Variants in FLT1 observed in about 807,000 individuals in gnomAD.
FLT1 encodes the protein vascular endothelial growth factor receptor 1.
Under a neutral mutation model 156.3 loss-of-function variants are expected in FLT1, and 49 were observed. The observed-to-expected ratio is 0.31, with a 90% CI of 0.25 to 0.40. FLT1 has a LOEUF of 0.40. Ranked by LOEUF, FLT1 falls within the 10% of genes least tolerant of loss-of-function variation. FLT1 has a pLI of 1.00. For synonymous variants in FLT1, 594 were observed against 583.8 expected (o/e 1.02, Z -0.25); for missense variants, 1,322 against 1,637.2 (o/e 0.81, Z 3.32).
chr13:28,373,167 C>A (rs989438758), intron 14 of FLT1, among the ~76,000 whole-genome samples: 4 of 152,078 alleles, frequency 2.6e-5, no homozygotes, highest in Non-Finnish European at 4.4e-5. Flanking sequence ...ACTGTCCCAC[C>A]GTGTGGAGGT....
At position 28,443,110 on chromosome 13, in the gene FLT1, G is replaced by A. The variant is rs184369182; in HGVS notation, c.389-4765C>T. On this transcript the variant is annotated intron_variant, in intron 3 of 29. Coordinates refer to ENST00000282397, the MANE Select transcript of FLT1 (RefSeq NM_002019.4). Reference sequence around the variant, plus strand: ...ACTCATGCCAACACTCAGCTAGGTGGAGGTCACACTGCCCTCACCTCTCTG... The same window carrying A: ...ACTCATGCCAACACTCAGCTAGGTGAAGGTCACACTGCCCTCACCTCTCTG... 3.3e-3 allele frequency among the ~76,000 whole-genome samples: 504 copies of A among 152,278 alleles called. 4 individuals are homozygous for A. Among genetic ancestry groups the A allele is most frequent in the Non-Finnish European group, 6.2e-3 (421 of 68,018 alleles).
Position 28,303,336 on chromosome 13 carries a change from C to T in FLT1, c.3848G>A (p.Gly1283Glu), listed in dbSNP as rs1438716807. 1 of 1,613,890 alleles carries T rather than the reference C, an allele frequency of 6.2e-7. No individual in the cohort carries two copies. Among genetic ancestry groups the T allele is most frequent in the African/African-American group, 1.3e-5 (1 of 74,890 alleles). ...ACTGGGCCTGCTGACATCAGACAGC[C>T]CCGACTCCTTACTTTTACTGGTTAC... ...LRVTSKSKES[G>E]LSDVSRPSFC... Residue 1283 changes from glycine (G) to glutamate (E), a missense_variant, in exon 30 of 30, where the codon GGG becomes GAG. Gly to Glu is a moderately conservative substitution (Grantham distance 98, BLOSUM62 -2). Coordinates refer to ENST00000282397, the MANE Select transcript of FLT1 (RefSeq NM_002019.4).
intron 15 of FLT1, among the ~76,000 whole-genome samples, chr13:28,354,138 T>C (rs755258626): frequency 1.3e-5 from 2 of 152,158 alleles, no homozygotes; most frequent in Non-Finnish European, 2.9e-5. Flanking sequence ...GTAAGAACAA[T>C]GACTCTAGAA....
chr13:28,428,399 A>G (rs1877473177), intron 8 of FLT1, among the ~76,000 whole-genome samples: 1 of 152,186 alleles, frequency 6.6e-6, no homozygotes, highest in Non-Finnish European at 1.5e-5. Flanking sequence ...TGGTCACACC[A>G]GTTGTCCCTT....
chr13:28,458,098 C>T (rs946540584), intron 3 of FLT1, among the ~76,000 whole-genome samples: 1 of 151,984 alleles, frequency 6.6e-6, no homozygotes, highest in African/African-American at 2.4e-5. Context: ...TCACACCTGG[C>T]TAATTTTTTT....
At chr13:28,475,545 G>A (rs1188187217) in intron 1 of FLT1, among the ~76,000 whole-genome samples, 1 of 152,162 alleles carries the variant, frequency 6.6e-6, no homozygotes, top group Non-Finnish European at 1.5e-5. Context: ...TTAAGATGTA[G>A]CTTATTAAAG....
intron 1 of FLT1, among the ~76,000 whole-genome samples, chr13:28,481,442 TACAC>T (rs397687323): frequency 0.049 from 6,928 of 142,550 alleles, 222 homozygotes; most frequent in Admixed American, 0.095. Flanking sequence ...CCTCCGCTTA[TACAC>T]ACACACACAC....
intron 15 of FLT1, among the ~76,000 whole-genome samples, chr13:28,355,778 C>T (rs1872876980): frequency 6.6e-6 from 1 of 152,172 alleles, no homozygotes; most frequent in Non-Finnish European, 1.5e-5. Context: ...GCTGATCTGG[C>T]CTGGAGCAGT....
chr13:28,427,601 G>A, intron 9 of FLT1, 151 bp downstream of exon 9: 1 of 774,714 alleles, frequency 1.3e-6, no homozygotes. Context: ...ACACGAGATT[G>A]TTAAGATGGG....
chr13:28,358,468 G>A (rs575480751), intron 14 of FLT1, among the ~76,000 whole-genome samples: 3 of 152,184 alleles, frequency 2.0e-5, no homozygotes, highest in Non-Finnish European at 4.4e-5. Context: ...TAAGTGCTCA[G>A]TAAATGTAAG....
intron 11 of FLT1, among the ~76,000 whole-genome samples, chr13:28,404,258 A>T (rs1441638303): frequency 6.6e-6 from 1 of 152,128 alleles, no homozygotes; most frequent in Non-Finnish European, 1.5e-5. Flanking sequence ...TTAATAAGAG[A>T]CTATTGGTGT....
At chr13:28,418,586 A>G (rs1176442574) in intron 10 of FLT1, among the ~76,000 whole-genome samples, 30 of 151,864 alleles carry the variant, frequency 2.0e-4, no homozygotes, top group Admixed American at 8.5e-4. Context: ...TTATTTATTT[A>G]TTTATTTAAG....
At chr13:28,492,817 CTA>C (rs914220674) in intron 1 of FLT1, among the ~76,000 whole-genome samples, 1 of 152,088 alleles carries the variant, frequency 6.6e-6, no homozygotes, top group African/African-American at 2.4e-5. Flanking sequence ...GACAGAGAAA[CTA>C]TGAGTTTTCA....
At position 28,321,079 on chromosome 13, in the gene FLT1, A is replaced by G. The variant is rs1483060546; in HGVS notation, c.3174+384T>C. ...CTGAGACAGATACACCTGCTGAATC[A>G]ATCATCTGGGTTTATTTGAGGGAAA... On this transcript the variant is annotated intron_variant, in intron 23 of 29. Coordinates refer to ENST00000282397, the MANE Select transcript of FLT1 (RefSeq NM_002019.4). Among the ~76,000 whole-genome samples, 3 of 152,172 alleles carry G rather than the reference A, an allele frequency of 2.0e-5. No homozygotes were observed. In the East Asian group the frequency reaches 5.8e-4, roughly 29 times the overall value.
chr13:28,345,266 C>A (rs772753925), intron 16 of FLT1, among the ~76,000 whole-genome samples, 179 bp downstream of exon 16: 1 of 152,126 alleles, frequency 6.6e-6, no homozygotes. Flanking sequence ...GAACACCCCC[C>A]CTTGTGGCTA....
Position 28,300,544 on chromosome 13 carries a change from C to T in FLT1, c.*2623G>A, listed in dbSNP as rs1870471231. The T allele has an allele frequency of 4.3e-6, 1 of 232,908 alleles. No individual in the cohort carries two copies. The highest frequency in any genetic ancestry group is 8.5e-6 in the Non-Finnish European group (1 of 118,038). 14.4% of individuals were successfully genotyped at this position (232,908 alleles called of 1,614,324 possible). ...ACCCACACACACACACACACACACACACACACACACACATACAGTTACACC... is the reference window on the plus strand; with the variant it reads ...ACCCACACACACACACACACACACATACACACACACACATACAGTTACACC... On this transcript the variant is annotated 3_prime_UTR_variant, in exon 30 of 30. Coordinates refer to ENST00000282397, the MANE Select transcript of FLT1 (RefSeq NM_002019.4).
At position 28,322,346 on chromosome 13, in the gene FLT1, G is replaced by A; in HGVS notation, c.2967C>T (p.Phe989=). Residue 989 remains phenylalanine (F), a synonymous_variant, in exon 22 of 30, where the codon TTC becomes TTT. Coordinates refer to ENST00000282397, the MANE Select transcript of FLT1 (RefSeq NM_002019.4). This position sits in a 1 kb window ranked among gnomAD's most constrained non-coding sequence, Gnocchi z 4.3. ...CTTCCATAGTGATGGGCTCCTTGTA[G>A]AAACCGTCAGAATCTGGAAAGCATT... The part of the protein sequence containing the change: ...DVEEEEDSDG[F]YKEPITMEDL... 1 of 1,609,950 alleles carries A rather than the reference G, an allele frequency of 6.2e-7. No individual in the cohort carries two copies. The highest frequency in any genetic ancestry group is 8.5e-7 in the Non-Finnish European group (1 of 1,176,228).
chr13:28,391,992 CTAT>C (rs147629956), intron 12 of FLT1, among the ~76,000 whole-genome samples: 1 of 152,004 alleles, frequency 6.6e-6, no homozygotes, highest in African/African-American at 2.4e-5. Flanking sequence ...TTATGTTATG[CTAT>C]TATTATTATT....
chr13:28,327,240 G>A (rs17086558), intron 20 of FLT1, among the ~76,000 whole-genome samples: 2,896 of 152,298 alleles, frequency 0.019, 95 homozygotes, highest in African/African-American at 0.065. Context: ...CTCCAATTAT[G>A]GCTGCATACG....
Sources: allele counts gnomAD v4.1 joint callset (sites outside exome capture counted in the v4.1 genomes callset), GRCh38; gene constraint gnomAD v4.1.1; non-coding constraint Gnocchi (gnomAD v3.1); transcripts MANE v1.5; gene names NCBI Gene and HGNC (gene_info 2026-07-23, HGNC 2026-07-21).